Variants in C6orf52 observed in about 807,000 individuals in gnomAD.
C6orf52 encodes chromosome 6 open reading frame 52.
In C6orf52, 16 loss-of-function variants were observed where a neutral mutation model predicts 16.6. That is an observed-to-expected ratio of 0.96 (90% CI 0.65 to 1.46). The LOEUF is 1.46. Among genes scored for constraint, C6orf52 ranks in the 40% most tolerant of loss-of-function variants. C6orf52 has a pLI of 0.00. For synonymous variants in C6orf52, 53 were observed against 61.4 expected, an observed-to-expected ratio of 0.86 and a Z score of 0.64; for missense variants, 166 against 182.3, an observed-to-expected ratio of 0.91 and a Z score of 0.52.
At chr6:10,680,098 C>CA (rs967389884) in intron 4 of C6orf52, among the ~76,000 whole-genome samples, 6 of 151,970 alleles carry the variant, frequency 3.9e-5, no homozygotes, top group Non-Finnish European at 5.9e-5. Context: ...ACCAAAAATA[C>CA]AAAAAATTAG....
At chr6:10,685,366 G>GA (rs888800121) in intron 3 of C6orf52, among the ~76,000 whole-genome samples, 48 of 151,514 alleles carry the variant, frequency 3.2e-4, no homozygotes, top group Non-Finnish European at 4.9e-4. Context: ...CTAAAAGGGG[G>GA]AAAAAATGAC....
At chr6:10,694,119 G>A (rs1258877599) in intron 1 of C6orf52, among the ~76,000 whole-genome samples, 1 of 152,048 alleles carries the variant, frequency 6.6e-6, no homozygotes, top group Non-Finnish European at 1.5e-5. Flanking sequence ...AATTAGCCAG[G>A]CGTGGTGGCG....
chr6:10,687,014 A>G lies in C6orf52; in HGVS notation c.222T>C (p.Ser74=). Residue 74 remains serine, a synonymous_variant, in exon 3 of 5, where the codon TCT becomes TCC. Transcript: ENST00000259983. ...AVDGNGKDCF[S]AHETPEHTAG... ...CTGTGTGTTCAGGGGTCTCATGCGCAGAAAAACAGTCCTTTCCATTTCCAT... is the reference window on the plus strand; with the variant it reads ...CTGTGTGTTCAGGGGTCTCATGCGCGGAAAAACAGTCCTTTCCATTTCCAT... 1 of 1,551,694 alleles carries G rather than the reference A, an allele frequency of 6.4e-7. No individual in the cohort carries two copies. Among genetic ancestry groups the G allele is most frequent in the Non-Finnish European group, 8.7e-7 (1 of 1,146,970 alleles).
rs559567501 is a variant in C6orf52 at position 10,687,614 on chromosome 6, CT to C, written c.-11-54del. 78 of 1,121,494 alleles carry C rather than the reference CT, an allele frequency of 7.0e-5. No individual in the cohort carries two copies. The South Asian group carries it at 8.8e-4, about 13-fold the overall frequency. The allele number at this position is 1,121,494 out of a possible 1,614,324, so 69.5% of individuals were successfully genotyped here. ...TTTTATTCCTGCGTCAAAAATCCAG[CT>C]TGTGGGCTGAAACCTCTCAATCCTG... On this transcript the variant is annotated intron_variant, in intron 1 of 4. Coordinates refer to ENST00000259983, the MANE Select transcript of C6orf52 (RefSeq NM_001145020.3).
chr6:10,685,247 G>GAAAAA (rs34615421), intron 3 of C6orf52, among the ~76,000 whole-genome samples: 1 of 73,012 alleles, frequency 1.4e-5, no homozygotes, highest in African/African-American at 3.3e-5. Flanking sequence ...AGGGGCAAAA[G>GAAAAA]AAAAAAAAAA....
At chr6:10,679,724 T>C (rs1768210713) in intron 4 of C6orf52, among the ~76,000 whole-genome samples, 1 of 152,180 alleles carries the variant, frequency 6.6e-6, no homozygotes, top group Admixed American at 6.5e-5. Flanking sequence ...CTTGCCTAAC[T>C]GCTCTGGCTA....
At chr6:10,682,229 C>G (rs1341437275) in intron 4 of C6orf52, among the ~76,000 whole-genome samples, 1 of 152,114 alleles carries the variant, frequency 6.6e-6, no homozygotes, top group Non-Finnish European at 1.5e-5. Flanking sequence ...AACTAAGGAG[C>G]AAGAAATCCT....
chr6:10,687,298 C>T (rs181173499), intron 2 of C6orf52, 134 bp from the exon 3 acceptor site: 78 of 790,260 alleles, frequency 9.9e-5, no homozygotes, highest in African/African-American at 5.3e-4. Context: ...ATGTAGATGA[C>T]GGGTTGATGG....
chr6:10,689,968 AT>A (rs901188738), intron 1 of C6orf52, among the ~76,000 whole-genome samples: 2 of 152,206 alleles, frequency 1.3e-5, no homozygotes, highest in African/African-American at 4.8e-5. Flanking sequence ...TTCCTGTAAA[AT>A]TTTTTTTCTC....
Position 10,694,594 on chromosome 6 carries a change from CCCT to C in C6orf52, c.-115_-113del. ...CAATGCACGCTGCCGGCGCTACAGCCCCTAAGCAACCGGCCGGAAGTCGGCCCC... is the reference window on the plus strand; with the variant it reads ...CAATGCACGCTGCCGGCGCTACAGCCAAGCAACCGGCCGGAAGTCGGCCCC... On this transcript the variant is annotated 5_prime_UTR_variant, in exon 1 of 5. Coordinates refer to ENST00000259983, the MANE Select transcript of C6orf52 (RefSeq NM_001145020.3). The C allele has an allele frequency of 1.7e-5, 3 of 179,506 alleles. No homozygotes were observed. Among genetic ancestry groups the C allele is most frequent in the East Asian group, 1.6e-4 (1 of 6,372 alleles). The allele number at this position is 179,506 out of a possible 1,614,324, so 11.1% of individuals were successfully genotyped here. A position where few individuals can be genotyped will look rare whatever the true frequency, so the allele number is the denominator to read the frequency against.
intron 4 of C6orf52, chr6:10,674,551 A>G (rs913277721): frequency 4.0e-4 from 61 of 152,286 alleles, no homozygotes; most frequent in African/African-American, 1.3e-3. Context: ...TGGAATGATC[A>G]AAGGATCAAA....
Position 10,687,527 on chromosome 6 carries a change from T to C in C6orf52, c.24A>G (p.Ala8=), listed in dbSNP as rs1561879529. The change falls in exon 2 of 5, where the codon GCA becomes GCG. Residue 8 remains alanine (A), a synonymous_variant. Transcript: ENST00000259983. ...TATTTTGTTGAGCTATGCCAAAATC[T>C]GCAGAACTCTCTGGTTGGGCCATTT... MAQPESS[A]DFGIAQQNNY... is the part of the protein sequence containing the mutation. 1.9e-6 allele frequency: 3 copies of C among 1,551,096 alleles called. No homozygotes were observed. The highest frequency in any genetic ancestry group is 1.4e-5 in the African/African-American group (1 of 73,054).
chr6:10,685,903 C>A (rs1431434191), intron 3 of C6orf52, among the ~76,000 whole-genome samples: 1 of 152,162 alleles, frequency 6.6e-6, no homozygotes, highest in Non-Finnish European at 1.5e-5. Context: ...AATGTTATAT[C>A]CTTTAATCCA....
Position 10,687,491 on chromosome 6 carries a change from G to T in C6orf52, c.60C>A (p.Cys20Ter). 6.5e-7 allele frequency: 1 copy of T among 1,547,776 alleles called. No individual in the cohort carries two copies. Among genetic ancestry groups the T allele is most frequent in the Non-Finnish European group, 8.7e-7 (1 of 1,143,836 alleles). Residue 20 changes from cysteine (C) to a stop codon, truncating the protein, a stop_gained, in exon 2 of 5, where the codon TGC (cysteine) becomes TGA (stop). Transcript: ENST00000259983. LOFTEE classifies it high-confidence loss of function. ...FGIAQQNNYY[C>*]YWQSLPSAIR... ...AGAAAACCACTCACCTTTGCCAGTA[G>T]CAGTAATAGTTATTTTGTTGAGCTA...
chr6:10,672,502 T>A lies in C6orf52; in HGVS notation c.317-904A>T, dbSNP rs778660843. On this transcript the variant is annotated intron_variant, in intron 4 of 4. Transcript: ENST00000259983. ...TTGGGTGCTGGTCTGACAGAAGTAG[T>A]GCCCTTATAAAAAGCGACAGCAGGC... 4.5e-5 allele frequency: 31 copies of A among 681,342 alleles called. No individual in the cohort carries two copies. The South Asian group carries it at 4.7e-4, about 10-fold the overall frequency. 42.2% of individuals were successfully genotyped at this position (681,342 alleles called of 1,614,324 possible).
chr6:10,674,639 C>CTTTTTTTTTT (rs78122068), intron 4 of C6orf52: 1 of 126,338 alleles, frequency 7.9e-6, no homozygotes, highest in African/African-American at 2.9e-5. Context: ...TTCTTTCTTT[C>CTTTTTTTTTT]TTTTTTTTTT....
chr6:10,693,242 AAT>A (rs1769513249), intron 1 of C6orf52, among the ~76,000 whole-genome samples: 1 of 152,204 alleles, frequency 6.6e-6, no homozygotes, highest in Non-Finnish European at 1.5e-5. Flanking sequence ...GTAAGGGACA[AAT>A]ATGTCTGCTT....
chr6:10,687,339 C>G lies in C6orf52; in HGVS notation c.71+141G>C, dbSNP rs548713826. On this transcript the variant is annotated intron_variant, in intron 2 of 4. Transcript: ENST00000259983. ...GCAAACCACCATGGCACGTGTATACCTATGTAAAAAACCTGCACGTTCTGC... is the reference window on the plus strand; with the variant it reads ...GCAAACCACCATGGCACGTGTATACGTATGTAAAAAACCTGCACGTTCTGC... 5.2e-6 allele frequency: 4 copies of G among 773,612 alleles called. No individual in the cohort carries two copies. In the African/African-American group the frequency reaches 7.2e-5, roughly 14 times the overall value. The allele number at this position is 773,612 out of a possible 1,614,324, so 47.9% of individuals were successfully genotyped here.
At position 10,694,606 on chromosome 6, in the gene C6orf52, G is replaced by T; in HGVS notation, c.-124C>A. 1.2e-5 allele frequency: 2 copies of T among 169,832 alleles called. No individual in the cohort carries two copies. Among genetic ancestry groups the T allele is most frequent in the South Asian group, 1.3e-4 (1 of 7,424 alleles). The allele number at this position is 169,832 out of a possible 1,614,324, so 10.5% of individuals were successfully genotyped here. Reference sequence around the variant, plus strand: ...CCGGCGCTACAGCCCCTAAGCAACCGGCCGGAAGTCGGCCCCACCTCCTCC... The same window carrying T: ...CCGGCGCTACAGCCCCTAAGCAACCTGCCGGAAGTCGGCCCCACCTCCTCC... On this transcript the variant is annotated 5_prime_UTR_variant, in exon 1 of 5. Transcript: ENST00000259983.
Sources: gnomAD v4.1 joint callset for allele counts (sites outside exome capture counted in the v4.1 genomes callset) on GRCh38, gnomAD v4.1.1 for gene constraint, MANE v1.5 for transcripts, NCBI Gene and HGNC (gene_info 2026-07-23, HGNC 2026-07-21) for gene names.